Variants in TBPL1 observed in about 807,000 individuals in gnomAD.
TBPL1 encodes the protein TATA box-binding protein-like 1.
Under a neutral mutation model 22.1 loss-of-function variants are expected in TBPL1, and 4 were observed. The observed-to-expected ratio is 0.18, with a 90% CI of 0.09 to 0.41. The LOEUF (loss-of-function observed/expected upper bound fraction) is 0.41. TBPL1 is among the 10% of genes least tolerant of loss of function. The probability of loss-of-function intolerance (pLI) is 1.00; values close to 1 mark genes in which losing one functional copy is unlikely to be tolerated. For synonymous variants in TBPL1, 64 were observed against 71.0 expected (o/e 0.90, Z 0.50); for missense variants, 115 against 222.3 (o/e 0.52, Z 3.07).
intron 4 of TBPL1, among the ~76,000 whole-genome samples, chr6:133,983,637 G>A (rs1195347796): frequency 6.6e-6 from 1 of 152,130 alleles, no homozygotes. Flanking sequence ...CCACTTTGCG[G>A]TTTCCTGGCT....
intron 1 of TBPL1, among the ~76,000 whole-genome samples, chr6:133,970,643 CT>C (rs889579357): frequency 2.1e-4 from 31 of 151,180 alleles, no homozygotes; most frequent in African/African-American, 7.5e-4. Context: ...GGGTCTCACT[CT>C]GTCACCCAGG....
At chr6:133,975,305 A>G (rs545271523) in intron 1 of TBPL1, among the ~76,000 whole-genome samples, 1 of 152,280 alleles carries the variant, frequency 6.6e-6, no homozygotes, top group East Asian at 1.9e-4. Context: ...TAAATTTTAA[A>G]ATTTAGAAGA....
Position 133,965,832 on chromosome 6 carries a change from A to G in TBPL1, c.-45+12407A>G, listed in dbSNP as rs375992735. Among the ~76,000 whole-genome samples, 11 of 152,360 alleles carry G rather than the reference A, an allele frequency of 7.2e-5. No homozygotes were observed. The South Asian group carries it at 1.4e-3, about 20-fold the overall frequency. ...TCCATATGAAGAAAGGAGATATAAT[A>G]ATAGTAACAATAAGAACAGCTACAT... On this transcript the variant is annotated intron_variant, in intron 1 of 6. Coordinates refer to ENST00000237264, the MANE Select transcript of TBPL1 (RefSeq NM_004865.4).
chr6:133,984,507 G>A lies in TBPL1; in HGVS notation c.386+28G>A, dbSNP rs1326653517. ...AAGTCTTTGAAGCAATTTATCTTGA[G>A]AAATTACCAAATTTGAAATTACTAG... is the stretch of plus-strand genomic sequence containing the variant. On this transcript the variant is annotated intron_variant, in intron 5 of 6. Coordinates refer to ENST00000237264, the MANE Select transcript of TBPL1 (RefSeq NM_004865.4). The A allele has an allele frequency of 3.1e-6, 5 of 1,610,892 alleles. No individual in the cohort carries two copies. In the African/African-American group the frequency reaches 5.3e-5, roughly 17 times the overall value.
intron 1 of TBPL1, among the ~76,000 whole-genome samples, chr6:133,965,070 GAGA>G (rs1325500941): frequency 6.6e-6 from 1 of 152,146 alleles, no homozygotes; most frequent in Non-Finnish European, 1.5e-5. Flanking sequence ...ACCAACTTAT[GAGA>G]AGATTTATTC....
chr6:133,980,701 T>A (rs903435944), intron 2 of TBPL1, among the ~76,000 whole-genome samples: 1 of 151,636 alleles, frequency 6.6e-6, no homozygotes, highest in African/African-American at 2.4e-5. Context: ...ATGATTTATA[T>A]CTTAACCTGG....
intron 1 of TBPL1, among the ~76,000 whole-genome samples, chr6:133,957,732 T>G (rs930986827): frequency 4.6e-5 from 7 of 152,236 alleles, no homozygotes; most frequent in African/African-American, 1.7e-4. Context: ...TAAATAGCTT[T>G]CTCACTGCCC....
chr6:133,952,489 A>G (rs1208753147), upstream of TBPL1: 1 of 152,326 alleles, frequency 6.6e-6, no homozygotes, highest in Non-Finnish European at 1.5e-5. This position sits in a 1 kb window ranked among gnomAD's most constrained non-coding sequence, Gnocchi z 4.5. Flanking sequence ...GACAGGCGAC[A>G]GAAGTGGCAT....
chr6:133,973,956 C>CATAT (rs60330418), intron 1 of TBPL1, among the ~76,000 whole-genome samples: 15 of 142,488 alleles, frequency 1.1e-4, no homozygotes, highest in African/African-American at 3.9e-4. Flanking sequence ...TTAAACCTAA[C>CATAT]ATATATATAT....
At position 133,955,483 on chromosome 6, in the gene TBPL1, G is replaced by C. The variant is rs970488622; in HGVS notation, c.-45+2058G>C. ...GCCTGCATGTGCATTTCATTAATGT[G>C]ATTTTATCTGTTGCATTTTCCTTCT... is the stretch of plus-strand genomic sequence containing the variant. On this transcript the variant is annotated intron_variant, in intron 1 of 6. Transcript: ENST00000237264. Among the ~76,000 whole-genome samples, 10 of 151,868 alleles carry C rather than the reference G, an allele frequency of 6.6e-5. No homozygotes were observed. In the East Asian group the frequency reaches 1.9e-3, roughly 29 times the overall value.
intron 6 of TBPL1, among the ~76,000 whole-genome samples, chr6:133,985,317 T>A (rs1222151288): frequency 0.16 from 7,969 of 50,914 alleles, 2,476 homozygotes; most frequent in Non-Finnish European, 0.31. Context: ...TATATATATA[T>A]ATATATATAT....
At chr6:133,983,620 A>G (rs1009970229) in intron 4 of TBPL1, among the ~76,000 whole-genome samples, 6 of 152,160 alleles carry the variant, frequency 3.9e-5, no homozygotes, top group African/African-American at 1.4e-4. Context: ...GTGATTTGAG[A>G]GTGCTGCCAC....
chr6:133,984,806 TTTA>T, intron 6 of TBPL1, 135 bp downstream of exon 6: 1 of 687,806 alleles, frequency 1.5e-6, no homozygotes, highest in East Asian at 2.7e-5. Context: ...TCTCCTGACT[TTTA>T]ACACTAGATG....
intron 1 of TBPL1, among the ~76,000 whole-genome samples, chr6:133,962,027 T>C (rs1358143693): frequency 1.3e-5 from 2 of 152,162 alleles, no homozygotes; most frequent in Non-Finnish European, 2.9e-5. Flanking sequence ...TATGCAATTA[T>C]GCGTAAAAGT....
At chr6:133,979,511 A>G (rs1776371558) in intron 1 of TBPL1, among the ~76,000 whole-genome samples, 1 of 152,222 alleles carries the variant, frequency 6.6e-6, no homozygotes, top group Non-Finnish European at 1.5e-5. Context: ...AGCAGGAGAT[A>G]AGTCTGGCAA....
intron 1 of TBPL1, among the ~76,000 whole-genome samples, chr6:133,962,655 G>A (rs1776044758): frequency 6.6e-6 from 1 of 152,226 alleles, no homozygotes; most frequent in Admixed American, 6.5e-5. Context: ...CAGGATAGAT[G>A]TAGGAGCCAG....
chr6:133,960,999 TG>T (rs1776013292), intron 1 of TBPL1, among the ~76,000 whole-genome samples: 2 of 152,216 alleles, frequency 1.3e-5, no homozygotes, highest in Non-Finnish European at 1.5e-5. Flanking sequence ...CTTCAGGATT[TG>T]GGGGTCTGAC....
intron 1 of TBPL1, among the ~76,000 whole-genome samples, chr6:133,962,551 C>A (rs1343651297): frequency 1.3e-5 from 2 of 152,150 alleles, no homozygotes; most frequent in African/African-American, 2.4e-5. Flanking sequence ...AGCAAGATTT[C>A]TTGAGGTGCT....
In TBPL1 at chr6:133,957,170, A is replaced by T. The variant is rs2268071; in HGVS notation, c.-45+3745A>T. Among the ~76,000 whole-genome samples, 1,295 of 151,694 alleles carry T rather than the reference A, an allele frequency of 8.5e-3. 37 individuals are homozygous for T. The highest frequency in any genetic ancestry group is 0.062 in the Admixed American group (947 of 15,208). On this transcript the variant is annotated intron_variant, in intron 1 of 6. Transcript: ENST00000237264. ...GCTATGGATCCCATTAAATGTTTTT[A>T]AAAAAAAACTCAATAGGGTGATTTC...
Sources: allele counts gnomAD v4.1 joint callset (sites outside exome capture counted in the v4.1 genomes callset), GRCh38; gene constraint gnomAD v4.1.1; non-coding constraint Gnocchi (gnomAD v3.1); transcripts MANE v1.5; gene names NCBI Gene and HGNC (gene_info 2026-07-23, HGNC 2026-07-21).